FRMPD4: variants seen among roughly 807,000 people sequenced by gnomAD.
The protein encoded by FRMPD4 is FERM and PDZ domain containing 4.
In FRMPD4, 22 loss-of-function variants were observed where a neutral mutation model predicts 94.1. The observed-to-expected ratio is 0.23, with a 90% CI of 0.17 to 0.33. The LOEUF (loss-of-function observed/expected upper bound fraction) is 0.33, where lower values mean the gene tolerates loss of function less well. Ranked by LOEUF, FRMPD4 falls within the 10% of genes least tolerant of loss-of-function variation. The pLI is 1.00. For missense variants in FRMPD4, 1,111 were observed against 1,339.9 expected, an observed-to-expected ratio of 0.83 and a Z score of 2.67; for synonymous variants, 631 against 548.6, an observed-to-expected ratio of 1.15 and a Z score of -2.10.
chrX:12,146,321 G>A (rs1051682384), intron 1 of FRMPD4, among the ~76,000 whole-genome samples: 2 of 109,449 alleles, frequency 1.8e-5, no homozygotes, highest in African/African-American at 3.3e-5. Flanking sequence ...CTGAGATTGC[G>A]CCACTGTGCT....
chrX:12,298,876 G>T (rs766056855), intron 1 of FRMPD4, among the ~76,000 whole-genome samples: 1 of 111,962 alleles, frequency 8.9e-6, no homozygotes, highest in Non-Finnish European at 1.9e-5. Flanking sequence ...AGCACATCTG[G>T]GTGACCATCA....
At chrX:12,139,832 T>C (rs766216911) in intron 1 of FRMPD4, among the ~76,000 whole-genome samples, 32 of 111,629 alleles carry the variant, frequency 2.9e-4, no homozygotes, top group Admixed American at 9.5e-5. Context: ...AAGAGCCCAA[T>C]AGGAGTGGTC....
chrX:12,113,420 C>T (rs1232245803), intron 3 of FRMPD4, among the ~76,000 whole-genome samples: 3 of 111,648 alleles, frequency 2.7e-5, no homozygotes, highest in African/African-American at 9.8e-5. Context: ...CTTCTGGAGG[C>T]TCTCAGGAAG....
intron 3 of FRMPD4, among the ~76,000 whole-genome samples, chrX:11,930,653 C>T (rs868398321): frequency 3.5e-4 from 39 of 111,768 alleles, no homozygotes; most frequent in Middle Eastern, 4.6e-3. Flanking sequence ...AACCATGAAG[C>T]TTGTGGGAAT....
intron 1 of FRMPD4, among the ~76,000 whole-genome samples, chrX:12,165,168 T>G (rs1355496945): frequency 8.9e-6 from 1 of 111,997 alleles, no homozygotes; most frequent in Non-Finnish European, 1.9e-5. Context: ...TCTTCTAGGG[T>G]TTTTATGGTT....
chrX:12,654,112 G>GA (rs1184798552), intron 4 of FRMPD4, among the ~76,000 whole-genome samples: 27 of 109,138 alleles, frequency 2.5e-4, no homozygotes, highest in East Asian at 5.7e-4. Flanking sequence ...TCTTCCAGAT[G>GA]AAAAAAAAAT....
At chrX:12,351,367 C>A (rs926702589) in intron 1 of FRMPD4, among the ~76,000 whole-genome samples, 18 of 110,401 alleles carry the variant, frequency 1.6e-4, no homozygotes, top group African/African-American at 5.9e-4. Flanking sequence ...GTTCTTTAGG[C>A]TTGAATTTCT....
At chrX:12,517,368 C>T (rs763192075) in intron 2 of FRMPD4, among the ~76,000 whole-genome samples, 4 of 90,648 alleles carry the variant, frequency 4.4e-5, no homozygotes, top group African/African-American at 1.7e-4. Flanking sequence ...AGGCTGCTGA[C>T]TGTTGGATGG....
intron 2 of FRMPD4, among the ~76,000 whole-genome samples, chrX:12,578,139 A>G (rs2058829786): frequency 8.9e-6 from 1 of 112,300 alleles, no homozygotes; most frequent in Admixed American, 9.3e-5. Context: ...AAACCTTATT[A>G]TGGCCCAAAG....
intron 1 of FRMPD4, among the ~76,000 whole-genome samples, chrX:12,259,371 G>A (rs2054160423): frequency 9.0e-6 from 1 of 111,361 alleles, no homozygotes; most frequent in Admixed American, 9.5e-5. Context: ...CACACACACA[G>A]GGAAAATATC....
At chrX:12,315,955 A>G (rs1465714008) in intron 1 of FRMPD4, among the ~76,000 whole-genome samples, 2 of 111,717 alleles carry the variant, frequency 1.8e-5, no homozygotes, top group Non-Finnish European at 3.8e-5. Context: ...ATTGCACTGC[A>G]CAGTCCCATA....
At chrX:12,205,701 T>C (rs2056684554) in intron 1 of FRMPD4, among the ~76,000 whole-genome samples, 1 of 112,316 alleles carries the variant, frequency 8.9e-6, no homozygotes, top group African/African-American at 3.2e-5. Flanking sequence ...GTTTCCTTTA[T>C]AACTTCCTAC....
intron 3 of FRMPD4, among the ~76,000 whole-genome samples, chrX:12,014,861 G>A (rs1307543895): frequency 9.0e-6 from 1 of 111,108 alleles, no homozygotes; most frequent in African/African-American, 3.3e-5. Flanking sequence ...ACAGAGAAGT[G>A]GGATATAAGG....
intron 2 of FRMPD4, among the ~76,000 whole-genome samples, chrX:12,512,732 A>G (rs781628691): frequency 8.9e-6 from 1 of 112,572 alleles, no homozygotes; most frequent in South Asian, 3.7e-4. Flanking sequence ...CTTTGGGTAC[A>G]TACCCAGTAA....
intron 1 of FRMPD4, chrX:12,341,621 A>G (rs763096791): frequency 6.1e-6 from 2 of 330,431 alleles, no homozygotes; most frequent in South Asian, 5.2e-5. Flanking sequence ...GTTCAGTGGC[A>G]TGAGGTCACA....
At chrX:12,671,032 T>C (rs1361465442) in intron 4 of FRMPD4, among the ~76,000 whole-genome samples, 5 of 112,126 alleles carry the variant, frequency 4.5e-5, no homozygotes, top group African/African-American at 6.5e-5. Flanking sequence ...AAAACCACAA[T>C]GAGATACCAT....
intron 4 of FRMPD4, among the ~76,000 whole-genome samples, chrX:12,634,979 A>G (rs1242291468): frequency 9.1e-6 from 1 of 109,486 alleles, no homozygotes; most frequent in African/African-American, 3.3e-5. Flanking sequence ...GATTACAGGC[A>G]CGTGCCACCA....
intron 1 of FRMPD4, among the ~76,000 whole-genome samples, chrX:12,395,221 G>C (rs2056527377): frequency 8.9e-6 from 1 of 112,098 alleles, no homozygotes; most frequent in East Asian, 2.8e-4. Flanking sequence ...GGCTTCTCTG[G>C]GGCACTGGGG....
At chrX:12,458,553 G>C (rs1482724718) in intron 1 of FRMPD4, among the ~76,000 whole-genome samples, 2 of 111,925 alleles carry the variant, frequency 1.8e-5, no homozygotes, top group Admixed American at 1.9e-4. Flanking sequence ...TTGGCTAATG[G>C]CTGACTAGAG....
Sources: gnomAD v4.1 joint callset for allele counts (sites outside exome capture counted in the v4.1 genomes callset) on GRCh38, gnomAD v4.1.1 for gene constraint, MANE v1.5 for transcripts, NCBI Gene and HGNC (gene_info 2026-07-23, HGNC 2026-07-21) for gene names.